LRRC3B: variants seen among roughly 807,000 people sequenced by gnomAD.
LRRC3B encodes the protein leucine-rich repeat-containing protein 3B.
Under a neutral mutation model 12.8 loss-of-function variants are expected in LRRC3B, and 2 were observed. The observed-to-expected ratio is 0.16, with a 90% confidence interval of 0.06 to 0.49. The LOEUF (loss-of-function observed/expected upper bound fraction) is 0.49. Among genes scored for constraint, LRRC3B ranks in the 20% least tolerant of loss-of-function variants. The probability of loss-of-function intolerance (pLI) is 0.96; values close to 1 mark genes in which losing one functional copy is unlikely to be tolerated. For synonymous variants in LRRC3B, 132 were observed against 122.0 expected, an observed-to-expected ratio of 1.08 and a Z score of -0.54; for missense variants, 189 against 319.4, an observed-to-expected ratio of 0.59 and a Z score of 3.11.
At chr3:26,656,994 C>A (rs11712652) in intron 1 of LRRC3B, among the ~76,000 whole-genome samples, 1 of 151,966 alleles carries the variant, frequency 6.6e-6, no homozygotes, top group Non-Finnish European at 1.5e-5. Context: ...GATGCAAAAA[C>A]TTTTTCTATT....
intron 1 of LRRC3B, among the ~76,000 whole-genome samples, chr3:26,700,110 T>A (rs376567011): frequency 6.8e-4 from 103 of 152,292 alleles, no homozygotes; most frequent in African/African-American, 2.3e-3. Flanking sequence ...TGAGGATTTA[T>A]CTTGTGAAAT....
At chr3:26,708,412 AGT>A (rs1700659201) in intron 1 of LRRC3B, among the ~76,000 whole-genome samples, 1 of 152,112 alleles carries the variant, frequency 6.6e-6, no homozygotes, top group Non-Finnish European at 1.5e-5. Flanking sequence ...ACTGGAAGAG[AGT>A]GTGTGGATAG....
At chr3:26,700,250 C>T (rs949907591) in intron 1 of LRRC3B, among the ~76,000 whole-genome samples, 1 of 152,104 alleles carries the variant, frequency 6.6e-6, no homozygotes, top group Non-Finnish European at 1.5e-5. Context: ...GGGGTTGTCT[C>T]CCTCTTTGAT....
chr3:26,660,780 T>C (rs1699476694), intron 1 of LRRC3B, among the ~76,000 whole-genome samples: 1 of 152,182 alleles, frequency 6.6e-6, no homozygotes, highest in South Asian at 2.1e-4. Flanking sequence ...CAGAGAGCAC[T>C]CAGTCCAAAT....
intron 1 of LRRC3B, among the ~76,000 whole-genome samples, chr3:26,635,393 G>T (rs1485695816): frequency 1.3e-5 from 2 of 152,180 alleles, no homozygotes; most frequent in Non-Finnish European, 2.9e-5. Context: ...TGGAGATAGG[G>T]CCTTTGGGAA....
intron 1 of LRRC3B, among the ~76,000 whole-genome samples, chr3:26,657,279 A>AT (rs1396569907): frequency 6.6e-6 from 1 of 152,246 alleles, no homozygotes; most frequent in African/African-American, 2.4e-5. Context: ...TTTAATGCCT[A>AT]TAAACTCTAT....
chr3:26,666,194 G>A (rs1334339676), intron 1 of LRRC3B, among the ~76,000 whole-genome samples: 1 of 151,958 alleles, frequency 6.6e-6, no homozygotes, highest in African/African-American at 2.4e-5. Flanking sequence ...AATTTAGAAA[G>A]ACTACAGAGA....
chr3:26,653,011 C>T (rs1407184443), intron 1 of LRRC3B, among the ~76,000 whole-genome samples: 1 of 150,710 alleles, frequency 6.6e-6, no homozygotes, highest in Non-Finnish European at 1.5e-5. Context: ...GCTGGGTCAA[C>T]AAGCAGGGGA....
rs114563448 is a variant in LRRC3B, at chr3:26,641,531, C to T, written c.-161+18294C>T. On this transcript the variant is annotated intron_variant, in intron 1 of 1. Transcript: ENST00000396641. ...GGGAAATCTGGGAAACATGTTCCCA[C>T]GTAGCTAAGTCAACACAATAGAAAA... Among the ~76,000 whole-genome samples the T allele has an allele frequency of 2.8e-3, 419 of 152,256 alleles. 1 individual carries two copies. Among genetic ancestry groups the T allele is most frequent in the Non-Finnish European group, 4.8e-3 (327 of 68,030 alleles).
chr3:26,682,435 C>T (rs986132384), intron 1 of LRRC3B, among the ~76,000 whole-genome samples: 1 of 152,186 alleles, frequency 6.6e-6, no homozygotes, highest in Admixed American at 6.5e-5. Flanking sequence ...TGCGTATATA[C>T]ATTGTCACTT....
chr3:26,674,678 A>G (rs78020847), intron 1 of LRRC3B, among the ~76,000 whole-genome samples: 5,830 of 152,264 alleles, frequency 0.038, 172 homozygotes, highest in Non-Finnish European at 0.056. Flanking sequence ...TTAGATGACT[A>G]AATCAACTTA....
chr3:26,682,798 T>G (rs910522272), intron 1 of LRRC3B, among the ~76,000 whole-genome samples: 2 of 152,244 alleles, frequency 1.3e-5, no homozygotes, highest in Non-Finnish European at 2.9e-5. Context: ...GGCATTCAGC[T>G]GCAGCACATT....
At chr3:26,643,047 CA>C (rs1267325283) in intron 1 of LRRC3B, among the ~76,000 whole-genome samples, 3 of 151,080 alleles carry the variant, frequency 2.0e-5, no homozygotes, top group African/African-American at 7.3e-5. Context: ...CAGGAGCATT[CA>C]AGTGTGGGCT....
chr3:26,679,866 G>A (rs895618225), intron 1 of LRRC3B, among the ~76,000 whole-genome samples: 2 of 152,168 alleles, frequency 1.3e-5, no homozygotes, highest in African/African-American at 4.8e-5. Flanking sequence ...TAAATGATGA[G>A]AAGGAGTGAT....
intron 1 of LRRC3B, among the ~76,000 whole-genome samples, chr3:26,640,357 C>A (rs1309632338): frequency 6.6e-5 from 10 of 150,378 alleles, no homozygotes; most frequent in Admixed American, 4.0e-4. Context: ...CACTAGGAAT[C>A]TACTTTAAAA....
At chr3:26,670,298 G>A (rs902071615) in intron 1 of LRRC3B, among the ~76,000 whole-genome samples, 1 of 152,180 alleles carries the variant, frequency 6.6e-6, no homozygotes, top group Non-Finnish European at 1.5e-5. Context: ...AGACACATTA[G>A]TAGTATGTTT....
At chr3:26,708,507 G>GGTAA (rs35517728) in intron 1 of LRRC3B, among the ~76,000 whole-genome samples, 27,169 of 151,914 alleles carry the variant, frequency 0.18, 2,807 homozygotes, top group East Asian at 0.26. Context: ...TTTGACCTTG[G>GGTAA]GTAAGTAACC....
At chr3:26,659,197 T>G (rs1020311516) in intron 1 of LRRC3B, among the ~76,000 whole-genome samples, 1 of 152,210 alleles carries the variant, frequency 6.6e-6, no homozygotes, top group African/African-American at 2.4e-5. Flanking sequence ...GTACTATTAT[T>G]GTCTTCACTG....
chr3:26,702,857 G>A (rs1025149367), intron 1 of LRRC3B, among the ~76,000 whole-genome samples: 6 of 152,106 alleles, frequency 3.9e-5, no homozygotes, highest in Admixed American at 1.3e-4. Flanking sequence ...TCAAGAAATC[G>A]GGAGGGAAGA....
Sources: gnomAD v4.1 joint callset for allele counts (sites outside exome capture counted in the v4.1 genomes callset) on GRCh38, gnomAD v4.1.1 for gene constraint, MANE v1.5 for transcripts, NCBI Gene and HGNC (gene_info 2026-07-23, HGNC 2026-07-21) for gene names.